GRM5: variants seen among roughly 807,000 people sequenced by gnomAD.
GRM5 encodes the protein glutamate metabotropic receptor 5, also known as metabotropic glutamate receptor 5.
A neutral mutation model predicts 83.1 loss-of-function variants in GRM5; 19 were observed. The observed-to-expected ratio is 0.23, with a 90% confidence interval of 0.16 to 0.34. The LOEUF (loss-of-function observed/expected upper bound fraction) is 0.34, where lower values mean the gene tolerates loss of function less well. Among genes scored for constraint, GRM5 ranks in the 10% least tolerant of loss-of-function variants. The pLI is 1.00. For synonymous variants in GRM5, 675 were observed against 633.6 expected (o/e 1.07, Z -0.98); for missense variants, 1,160 against 1,588.3 (o/e 0.73, Z 4.58).
intron 3 of GRM5, among the ~76,000 whole-genome samples, chr11:88,810,901 G>A (rs1229708282): frequency 6.6e-6 from 1 of 152,068 alleles, no homozygotes; most frequent in Non-Finnish European, 1.5e-5. Flanking sequence ...CAACTTAAGA[G>A]AAACAGAACT....
Position 88,807,379 on chromosome 11 carries a change from T to C in GRM5, c.911+42527A>G, listed in dbSNP as rs572725553. Among the ~76,000 whole-genome samples, 58 of 152,286 alleles carry C rather than the reference T, an allele frequency of 3.8e-4. 1 individual carries two copies. Among genetic ancestry groups the C allele is most frequent in the Admixed American group, 3.3e-3 (51 of 15,298 alleles). On this transcript the variant is annotated intron_variant, in intron 3 of 9. Transcript: ENST00000305447. ...TCCCTAGCCTGTAATGTCCATTCAA[T>C]AAAATCTTGTCACTTTATTTTATTT...
rs1239829733 is a variant in GRM5 at position 88,578,855 on chromosome 11, G to GA, written c.1691-10864dup. On this transcript the variant is annotated intron_variant, in intron 7 of 9. Coordinates refer to ENST00000305447, the MANE Select transcript of GRM5 (RefSeq NM_001143831.3). ...AACAACTTTATCAAGCTAACTGTTTGAAAAAAAAAAGACAGTGCACAAAAT... is the reference window on the plus strand; with the variant it reads ...AACAACTTTATCAAGCTAACTGTTTGAAAAAAAAAAAGACAGTGCACAAAAT... Among the ~76,000 whole-genome samples, 62 of 146,508 alleles carry GA rather than the reference G, an allele frequency of 4.2e-4. 1 individual carries two copies. The East Asian group carries it at 5.1e-3, about 12-fold the overall frequency.
chr11:88,721,326 T>C (rs1941534662), intron 3 of GRM5, among the ~76,000 whole-genome samples: 1 of 152,080 alleles, frequency 6.6e-6, no homozygotes, highest in South Asian at 2.1e-4. Context: ...AGTTCGCATC[T>C]TGTCATTAAA....
intron 3 of GRM5, among the ~76,000 whole-genome samples, chr11:88,823,975 TA>T (rs1384067187): frequency 3.3e-5 from 5 of 152,204 alleles, no homozygotes; most frequent in African/African-American, 1.2e-4. Context: ...CTTCCAGAAG[TA>T]ACTGCTATCA....
At chr11:88,701,599 C>T (rs1941036952) in intron 3 of GRM5, among the ~76,000 whole-genome samples, 1 of 152,096 alleles carries the variant, frequency 6.6e-6, no homozygotes, top group South Asian at 2.1e-4. Flanking sequence ...ATTTCTAGTA[C>T]AGATAGTTAG....
At chr11:88,929,269 A>C (rs1048932509) in intron 2 of GRM5, among the ~76,000 whole-genome samples, 17 of 152,068 alleles carry the variant, frequency 1.1e-4, no homozygotes, top group African/African-American at 3.9e-4. Flanking sequence ...TATTTATTAA[A>C]CTATTAAACT....
At chr11:89,015,933 G>C (rs540272794) in intron 2 of GRM5, among the ~76,000 whole-genome samples, 1 of 152,048 alleles carries the variant, frequency 6.6e-6, no homozygotes, top group Non-Finnish European at 1.5e-5. Context: ...GATCTAGAAG[G>C]CATGATATAT....
At chr11:88,510,741 G>C (rs308885) in intron 9 of GRM5, among the ~76,000 whole-genome samples, 34,981 of 152,066 alleles carry the variant, frequency 0.23, 4,290 homozygotes, top group African/African-American at 0.31. Context: ...TTCTAGAACT[G>C]CTGACCTCAA....
intron 2 of GRM5, among the ~76,000 whole-genome samples, chr11:88,896,616 T>C (rs1304564755): frequency 4.0e-5 from 6 of 151,882 alleles, no homozygotes; most frequent in Admixed American, 1.3e-4. Context: ...AGACCAGTGG[T>C]GCAGTTCTGA....
At chr11:88,574,102 G>A (rs1299054871) in intron 7 of GRM5, among the ~76,000 whole-genome samples, 1 of 152,138 alleles carries the variant, frequency 6.6e-6, no homozygotes, top group African/African-American at 2.4e-5. Context: ...ATTAAGGTCT[G>A]TCTTCTCTAC....
intron 4 of GRM5, among the ~76,000 whole-genome samples, chr11:88,628,549 T>A (rs890909722): frequency 2.0e-5 from 3 of 152,206 alleles, no homozygotes; most frequent in Non-Finnish European, 4.4e-5. Flanking sequence ...ATATCCTGGA[T>A]CTATTCCAAA....
intron 7 of GRM5, among the ~76,000 whole-genome samples, chr11:88,577,106 AT>A (rs940155691): frequency 1.0e-4 from 15 of 149,778 alleles, no homozygotes; most frequent in Admixed American, 4.0e-4. Context: ...TATACCCTTG[AT>A]TTTTTTTTTC....
intron 3 of GRM5, among the ~76,000 whole-genome samples, chr11:88,841,419 CCT>C (rs1241521565): frequency 6.6e-6 from 1 of 152,140 alleles, no homozygotes; most frequent in Admixed American, 6.6e-5. Context: ...AGTAAGTCAT[CCT>C]TTAATGACTT....
chr11:88,843,467 A>G (rs914229806), intron 3 of GRM5, among the ~76,000 whole-genome samples: 3 of 152,176 alleles, frequency 2.0e-5, no homozygotes, highest in Non-Finnish European at 4.4e-5. Context: ...CTGTGCCTAT[A>G]TAAGACCGTA....
intron 3 of GRM5, among the ~76,000 whole-genome samples, chr11:88,672,516 G>T (rs937237955): frequency 1.3e-5 from 2 of 151,874 alleles, no homozygotes; most frequent in African/African-American, 4.8e-5. Context: ...TTGAAGAAAA[G>T]TTATTTTATT....
At position 88,795,009 on chromosome 11, in the gene GRM5, A is replaced by T. The variant is rs1474458888; in HGVS notation, c.911+54897T>A. Among the ~76,000 whole-genome samples the T allele has an allele frequency of 2.6e-5, 4 of 152,228 alleles. No homozygotes were observed. In the East Asian group the frequency reaches 7.7e-4, roughly 29 times the overall value. On this transcript the variant is annotated intron_variant, in intron 3 of 9. Coordinates refer to ENST00000305447, the MANE Select transcript of GRM5 (RefSeq NM_001143831.3). ...TTCCACTGTGTGCCTCCAATGAAAG[A>T]CCAAAATGCAATAAGTAGAACTTAC... is the stretch of plus-strand genomic sequence containing the variant.
chr11:88,836,286 A>G (rs1944094553), intron 3 of GRM5, among the ~76,000 whole-genome samples: 1 of 152,246 alleles, frequency 6.6e-6, no homozygotes, highest in African/African-American at 2.4e-5. Flanking sequence ...CATTATGTCA[A>G]TGAATGCGAC....
At chr11:88,558,129 A>G (rs1368954137) in intron 8 of GRM5, among the ~76,000 whole-genome samples, 1 of 152,154 alleles carries the variant, frequency 6.6e-6, no homozygotes, top group East Asian at 1.9e-4. Flanking sequence ...CCCAGTATAT[A>G]ATGATTATTC....
In GRM5 at chr11:88,509,415, T is replaced by C. The variant is rs544094187; in HGVS notation, c.2816A>G (p.Lys939Arg). ...GGCCGTTTGGTTGGGGTTTTCTTTC[T>C]TGTTGATGTGGATGGACAGGCGCTG... Reference protein sequence around the residue: ...LWQRLSIHINKKENPNQTAVI... With the variant: ...LWQRLSIHINRKENPNQTAVI... The change falls in exon 10 of 10, where the codon AAG becomes AGG. Residue 939 changes from lysine (K) to arginine (R), a missense_variant. By Grantham distance (26) the Lys-to-Arg change is conservative. Around this residue, in one of 9 missense-constraint regions of GRM5, gnomAD observed 562 missense variants for 532.4 expected, o/e 1.06. Coordinates refer to ENST00000305447, the MANE Select transcript of GRM5 (RefSeq NM_001143831.3). 1.9e-6 allele frequency: 3 copies of C among 1,612,876 alleles called. No individual in the cohort carries two copies. The African/African-American group carries it at 4.0e-5, about 21-fold the overall frequency.
Sources: allele counts gnomAD v4.1 joint callset (sites outside exome capture counted in the v4.1 genomes callset), GRCh38; gene constraint gnomAD v4.1.1; regional missense constraint gnomAD v4.1.1; transcripts MANE v1.5; gene names NCBI Gene and HGNC (gene_info 2026-07-23, HGNC 2026-07-21).